SLC4A5: variants seen among roughly 807,000 people sequenced by gnomAD.
SLC4A5 encodes solute carrier family 4 member 5.
SLC4A5 carries 96 observed loss-of-function variants against 120.4 expected under a neutral mutation model. The observed-to-expected ratio is 0.80, with a 90% confidence interval of 0.68 to 0.94. SLC4A5 has a LOEUF of 0.94. Ranked by LOEUF, SLC4A5 falls within the 40% of genes least tolerant of loss-of-function variation. The probability of loss-of-function intolerance (pLI) is 0.00; values close to 1 mark genes in which losing one functional copy is unlikely to be tolerated. For synonymous variants in SLC4A5, 550 were observed against 571.1 expected (o/e 0.96, Z 0.53); for missense variants, 1,259 against 1,459.5 (o/e 0.86, Z 2.24).
chr2:74,322,922 C>A (rs1558914289), intron 5 of SLC4A5, among the ~76,000 whole-genome samples: 1 of 152,154 alleles, frequency 6.6e-6, no homozygotes, highest in Non-Finnish European at 1.5e-5. Context: ...TAGCAGAAGA[C>A]TCCTCCTCAG....
At chr2:74,304,098 C>T (rs573732839) in intron 7 of SLC4A5, among the ~76,000 whole-genome samples, 24 of 152,276 alleles carry the variant, frequency 1.6e-4, no homozygotes, top group African/African-American at 5.5e-4. Flanking sequence ...ATCCGCCCAC[C>T]TCGGCCTCCC....
chr2:74,317,083 C>G (rs1396623382), intron 5 of SLC4A5, among the ~76,000 whole-genome samples: 2 of 152,210 alleles, frequency 1.3e-5, no homozygotes, highest in Admixed American at 6.5e-5. Flanking sequence ...ACTGAATATG[C>G]ATGTTTAGCC....
At chr2:74,244,604 TCTC>T (rs753719228) in intron 19 of SLC4A5, among the ~76,000 whole-genome samples, 20 of 151,818 alleles carry the variant, frequency 1.3e-4, no homozygotes, top group Non-Finnish European at 2.5e-4. Context: ...TTGCTCTCGC[TCTC>T]CTTTTCTTTC....
intron 7 of SLC4A5, among the ~76,000 whole-genome samples, chr2:74,304,112 G>A (rs1463870332): frequency 6.6e-6 from 1 of 152,150 alleles, no homozygotes; most frequent in Non-Finnish European, 1.5e-5. Context: ...GCCTCCCAAA[G>A]TGCTGGGATT....
chr2:74,288,173 T>C (rs1261960061), intron 7 of SLC4A5, among the ~76,000 whole-genome samples: 1 of 152,178 alleles, frequency 6.6e-6, no homozygotes, highest in Non-Finnish European at 1.5e-5. Flanking sequence ...CTCTGACTTT[T>C]CTTGAAAAGT....
chr2:74,287,433 T>C (rs1351117041), intron 7 of SLC4A5, among the ~76,000 whole-genome samples: 2 of 151,992 alleles, frequency 1.3e-5, no homozygotes, highest in Non-Finnish European at 2.9e-5. Flanking sequence ...CGAACTCAGT[T>C]GAGTGAGCAG....
chr2:74,245,815 G>A (rs4621185), intron 19 of SLC4A5, among the ~76,000 whole-genome samples: 12,532 of 152,124 alleles, frequency 0.082, 844 homozygotes, highest in East Asian at 0.33. Flanking sequence ...TTTTTTACCC[G>A]TAGTAATGTA....
intron 8 of SLC4A5, among the ~76,000 whole-genome samples, chr2:74,283,838 CTTTTTT>C (rs1215361312): frequency 7.2e-6 from 1 of 139,242 alleles, no homozygotes; most frequent in African/African-American, 2.6e-5. Flanking sequence ...AATCTTATTC[CTTTTTT>C]TTTTTTTTTT....
At chr2:74,221,697 G>C (rs542369594) in intron 29 of SLC4A5, among the ~76,000 whole-genome samples, 196 bp from the exon 30 acceptor site, 1 of 152,270 alleles carries the variant, frequency 6.6e-6, no homozygotes, top group South Asian at 2.1e-4. Context: ...CCAGGGCTAG[G>C]GGGTGTGAGG....
chr2:74,219,345 T>A (rs556325460), intron 30 of SLC4A5, among the ~76,000 whole-genome samples: 4 of 152,164 alleles, frequency 2.6e-5, no homozygotes, highest in Admixed American at 2.6e-4. Flanking sequence ...AAAACGAGGC[T>A]ACTCCCTCCC....
intron 7 of SLC4A5, among the ~76,000 whole-genome samples, chr2:74,294,913 C>T (rs1242469328): frequency 2.0e-5 from 3 of 152,098 alleles, no homozygotes; most frequent in Admixed American, 6.5e-5. Flanking sequence ...TCAAGTGATC[C>T]GCCTGCCTCA....
In SLC4A5 at chr2:74,315,045, C is replaced by G. The variant is rs1558910782; in HGVS notation, c.-2-20G>C. 2 of 1,596,722 alleles carry G rather than the reference C, an allele frequency of 1.3e-6. No homozygotes were observed. The highest frequency in any genetic ancestry group is 4.5e-5 in the East Asian group (2 of 44,780). ...TCATGACTATAAAGTAAAAGGAACA[C>G]AGCCTCAAAATGTATACATTAAAAA... On this transcript the variant is annotated intron_variant, in intron 5 of 30. Coordinates refer to ENST00000394019, the Ensembl canonical transcript of SLC4A5.
At chr2:74,307,500 A>G (rs1672681453) in intron 6 of SLC4A5, 13 of 617,752 alleles carry the variant, frequency 2.1e-5, no homozygotes, top group South Asian at 1.9e-4. Flanking sequence ...GCGCATGGCC[A>G]GCTCTGTCTC....
chr2:74,222,850 A>C lies in SLC4A5; in HGVS notation c.3331+18T>G. On this transcript the variant is annotated intron_variant, in intron 29 of 30. Transcript: ENST00000394019. ...GGACTAGTAGTAAGAAGGGAGAGACATCATGTGTTTTACTTACTGGCAATG... is the reference window on the plus strand; with the variant it reads ...GGACTAGTAGTAAGAAGGGAGAGACCTCATGTGTTTTACTTACTGGCAATG... The C allele has an allele frequency of 6.3e-7, 1 of 1,587,232 alleles. No homozygotes were observed. The highest frequency in any genetic ancestry group is 8.7e-7 in the Non-Finnish European group (1 of 1,155,586).
chr2:74,237,928 C>A (rs1437554696), intron 21 of SLC4A5, among the ~76,000 whole-genome samples: 1 of 151,904 alleles, frequency 6.6e-6, no homozygotes, highest in Non-Finnish European at 1.5e-5. Context: ...ATGGTGAAAC[C>A]CCGTCTCAAC....
rs181369430 is a variant in SLC4A5 at position 74,278,433 on chromosome 2, T to C, written c.401+7340A>G. On this transcript the variant is annotated intron_variant, in intron 8 of 30. Transcript: ENST00000394019. ...GTGGACTTGTGCTTCCCCTGTCTGA[T>C]TGCAGGACTTTGAAGGTCTCTTTTG... Among the ~76,000 whole-genome samples, 11 of 152,288 alleles carry C rather than the reference T, an allele frequency of 7.2e-5. No homozygotes were observed. The East Asian group carries it at 1.4e-3, about 19-fold the overall frequency.
At chr2:74,297,182 T>G (rs1672355786) in intron 7 of SLC4A5, among the ~76,000 whole-genome samples, 1 of 151,112 alleles carries the variant, frequency 6.6e-6, no homozygotes, top group African/African-American at 2.5e-5. Flanking sequence ...AAATGCCCAC[T>G]TTAGAGGAAA....
chr2:74,231,259 C>T (rs1670069928), exon 25 of SLC4A5: 1 of 1,611,890 alleles, frequency 6.2e-7, no homozygotes, highest in African/African-American at 1.3e-5. Flanking sequence ...GCCAGGAAGA[C>T]AGAGATTCCC....
chr2:74,299,584 A>C (rs1269611327), intron 7 of SLC4A5, among the ~76,000 whole-genome samples: 2 of 152,176 alleles, frequency 1.3e-5, no homozygotes, highest in Non-Finnish European at 2.9e-5. Context: ...GGACTAATAC[A>C]ACAAAGAAAT....
Sources: allele counts gnomAD v4.1 joint callset (sites outside exome capture counted in the v4.1 genomes callset), GRCh38; gene constraint gnomAD v4.1.1; transcripts MANE v1.5; gene names NCBI Gene and HGNC (gene_info 2026-07-23, HGNC 2026-07-21).